The following EVC variants were observed in gnomAD, a reference collection of about 807,000 sequenced individuals.
EVC encodes EvC ciliary complex subunit 1.
In EVC, 116 loss-of-function variants were observed where a neutral mutation model predicts 118.9. The observed-to-expected ratio is 0.98, with a 90% CI of 0.84 to 1.14. The LOEUF (loss-of-function observed/expected upper bound fraction) is 1.14, where lower values mean the gene tolerates loss of function less well. EVC is among the 50% of genes most tolerant of loss of function. The pLI is 0.00. For missense variants in EVC, 1,401 were observed against 1,246.4 expected, an observed-to-expected ratio of 1.12 and a Z score of -1.87; for synonymous variants, 619 against 534.7, an observed-to-expected ratio of 1.16 and a Z score of -2.18.
At position 5,811,150 on chromosome 4, in the gene EVC, A is replaced by G; in HGVS notation, c.*113A>G. 2.4e-6 allele frequency: 2 copies of G among 821,150 alleles called. No individual in the cohort carries two copies. The highest frequency in any genetic ancestry group is 2.9e-5 in the South Asian group (2 of 68,468). 50.9% of individuals were successfully genotyped at this position (821,150 alleles called of 1,614,324 possible). ...GGACGGAGAGGACAGCGGCATCTCT[A>G]GGCTCTTCTGAGAGGGACAGAGAAA... On this transcript the variant is annotated 3_prime_UTR_variant, in exon 21 of 21. Coordinates refer to ENST00000264956, the MANE Select transcript of EVC (RefSeq NM_153717.3).
rs1490543674 is a variant in EVC, at chr4:5,742,244, A to G, written c.801+430A>G. On this transcript the variant is annotated intron_variant, in intron 6 of 20. Transcript: ENST00000264956. The surrounding 1 kb of genome is among the most constrained non-coding windows in gnomAD (Gnocchi z 5.2). The stretch of plus-strand genomic sequence containing the variant: ...TGGTTGAGGTTGGTATCCTGGCTTT[A>G]TCTTTTACAAGCTCTCAGAATCGTA... Among the ~76,000 whole-genome samples, 1 of 152,204 alleles carries G rather than the reference A, an allele frequency of 6.6e-6. No homozygotes were observed. The highest frequency in any genetic ancestry group is 1.9e-4 in the East Asian group (1 of 5,194).
At position 5,737,274 on chromosome 4, in the gene EVC, G is replaced by GAAAGAAGCTGTCTCCAGAGC. The variant is rs1577380671; in HGVS notation, c.702+3839_702+3840insAAAGAAGCTGTCTCCAGAGC. Among the ~76,000 whole-genome samples the GAAAGAAGCTGTCTCCAGAGC allele has an allele frequency of 6.6e-6, 1 of 152,212 alleles. No homozygotes were observed. Among genetic ancestry groups the GAAAGAAGCTGTCTCCAGAGC allele is most frequent in the East Asian group, 1.9e-4 (1 of 5,200 alleles). ...AAATTTGAAGCTAGCAGAGCATGAG[G>GAAAGAAGCTGTCTCCAGAGC]TTTAAAGAAAGAAGCTGTCTCCAGA... On this transcript the variant is annotated intron_variant, in intron 5 of 20. Coordinates refer to ENST00000264956, the MANE Select transcript of EVC (RefSeq NM_153717.3). This position sits in a 1 kb window ranked among gnomAD's most constrained non-coding sequence, Gnocchi z 5.0.
At chr4:5,722,007 T>C (rs957248945) in intron 2 of EVC, among the ~76,000 whole-genome samples, 2 of 152,176 alleles carry the variant, frequency 1.3e-5, no homozygotes, top group South Asian at 2.1e-4. Context: ...TGCTCACACA[T>C]AGGGTACCCT....
At chr4:5,828,770 A>C in the EVC span, 4 of 1,372,552 alleles carry the variant, frequency 2.9e-6, no homozygotes, top group Non-Finnish European at 3.9e-6. Context: ...AGCGTGTTCC[A>C]ATGTTTTTTT....
intron 8 of EVC, among the ~76,000 whole-genome samples, chr4:5,748,645 C>T (rs1729806910): frequency 8.6e-6 from 1 of 116,536 alleles, no homozygotes; most frequent in Non-Finnish European, 1.8e-5. Flanking sequence ...CCCTCCCACC[C>T]ATTTATCCAT....
rs1402079471 is a variant in EVC, at chr4:5,752,675, C to G, written c.1099-161C>G. 9.2e-6 allele frequency: 7 copies of G among 764,870 alleles called. No individual in the cohort carries two copies. The Admixed American group carries it at 1.2e-4, about 13-fold the overall frequency. The allele number at this position is 764,870 out of a possible 1,614,324, so 47.4% of individuals were successfully genotyped here. A position where few individuals can be genotyped will look rare whatever the true frequency, so the allele number is the denominator to read the frequency against. On this transcript the variant is annotated intron_variant, in intron 8 of 20. Coordinates refer to ENST00000264956, the MANE Select transcript of EVC (RefSeq NM_153717.3). Reference sequence around the variant, plus strand: ...CCCCACCTCGGGGGCAGACGCAGATCTCGCTCATGAAGGAGAGGGGGAGTT... The same window carrying G: ...CCCCACCTCGGGGGCAGACGCAGATGTCGCTCATGAAGGAGAGGGGGAGTT...
At chr4:5,730,805 C>G (rs1008243358) in intron 3 of EVC, among the ~76,000 whole-genome samples, 1 of 152,122 alleles carries the variant, frequency 6.6e-6, no homozygotes, top group Non-Finnish European at 1.5e-5. Flanking sequence ...CCAGGAGCGT[C>G]TAAGCCAGAG....
At chr4:5,734,764 C>T (rs945038348) in intron 5 of EVC, among the ~76,000 whole-genome samples, 1 of 152,178 alleles carries the variant, frequency 6.6e-6, no homozygotes, top group Non-Finnish European at 1.5e-5. Context: ...TGTTTGAAAC[C>T]GTAAATATGC....
the EVC span, chr4:5,824,540 T>C: frequency 1.0e-6 from 1 of 984,406 alleles, no homozygotes; most frequent in Non-Finnish European, 1.2e-6. Flanking sequence ...GCATATCGCC[T>C]TTCCTGACCA....
the EVC span, chr4:5,825,674 G>T: frequency 6.2e-7 from 1 of 1,611,920 alleles, no homozygotes; most frequent in Non-Finnish European, 8.5e-7. This position sits in a 1 kb window ranked among gnomAD's most constrained non-coding sequence, Gnocchi z 4.4. Flanking sequence ...ACAGAGGAAG[G>T]GAGAGTGTGA....
At position 5,755,121 on chromosome 4, in the gene EVC, G is replaced by T. The variant is rs988311450; in HGVS notation, c.1465-1143G>T. Among the ~76,000 whole-genome samples the T allele has an allele frequency of 6.6e-6, 1 of 152,142 alleles. No individual in the cohort carries two copies. Among genetic ancestry groups the T allele is most frequent in the African/African-American group, 2.4e-5 (1 of 41,432 alleles). ...GCCCATACTTGGAGCTTCTGCATTTGCCACAAAGGGGTAGGGTAGGTTTTT... is the reference window on the plus strand; with the variant it reads ...GCCCATACTTGGAGCTTCTGCATTTTCCACAAAGGGGTAGGGTAGGTTTTT... On this transcript the variant is annotated intron_variant, in intron 10 of 20. Transcript: ENST00000264956. The surrounding 1 kb of genome is among the most constrained non-coding windows in gnomAD (Gnocchi z 4.1).
intron 17 of EVC, among the ~76,000 whole-genome samples, chr4:5,806,183 G>A (rs148200656): frequency 0.1 from 15,629 of 151,618 alleles, 1,060 homozygotes; most frequent in South Asian, 0.21. Flanking sequence ...GGGTTCAAGC[G>A]ATTCTCTTGC....
Position 5,756,257 on chromosome 4 carries a change from C to T in EVC, c.1465-7C>T. On this transcript the variant is annotated splice_region_variant and splice_polypyrimidine_tract_variant and intron_variant, in intron 10 of 20. Transcript: ENST00000264956. This position sits in a 1 kb window ranked among gnomAD's most constrained non-coding sequence, Gnocchi z 4.2. ...TCTACCAGACTCAGCTCTTGTTTTC[C>T]TCACAGGCTTTTCATGAGGTCCTGG... is the stretch of plus-strand genomic sequence containing the variant. The T allele has an allele frequency of 4.4e-6, 7 of 1,608,340 alleles. No individual in the cohort carries two copies. Among genetic ancestry groups the T allele is most frequent in the Non-Finnish European group, 5.9e-6 (7 of 1,177,042 alleles).
chr4:5,767,275 A>C (rs1014855175), intron 11 of EVC, among the ~76,000 whole-genome samples: 2 of 150,882 alleles, frequency 1.3e-5, no homozygotes, highest in African/African-American at 4.9e-5. Flanking sequence ...CTCCAGCTGC[A>C]TGCTGGGAGA....
At position 5,711,676 on chromosome 4, in the gene EVC, C is replaced by A. The variant is rs1723050366; in HGVS notation, c.174+122C>A. On this transcript the variant is annotated intron_variant, in intron 1 of 20. Coordinates refer to ENST00000264956, the MANE Select transcript of EVC (RefSeq NM_153717.3). ...GCCTGGTTGGGAACTTCGCACGCAA[C>A]CGCTTAGGCGTCGGGTTCCCCTTCT... is the stretch of plus-strand genomic sequence containing the variant. 10 of 835,140 alleles carry A rather than the reference C, an allele frequency of 1.2e-5. No individual in the cohort carries two copies. In the South Asian group the frequency reaches 4.5e-4, roughly 38 times the overall value. The allele number at this position is 835,140 out of a possible 1,614,324, so 51.7% of individuals were successfully genotyped here.
Position 5,731,805 on chromosome 4 carries a change from C to T in EVC, c.617+148C>T, listed in dbSNP as rs1038945530. On this transcript the variant is annotated intron_variant, in intron 4 of 20. Transcript: ENST00000264956. The surrounding 1 kb of genome is among the most constrained non-coding windows in gnomAD (Gnocchi z 5.6). ...CAGCGACCCAGCGTCACCATCGGAG[C>T]CCCAGAGGCCTTTGTCACTTCCTGT... 4 of 813,870 alleles carry T rather than the reference C, an allele frequency of 4.9e-6. No individual in the cohort carries two copies. In the African/African-American group the frequency reaches 6.8e-5, roughly 14 times the overall value. The allele number at this position is 813,870 out of a possible 1,614,324, so 50.4% of individuals were successfully genotyped here. A position where few individuals can be genotyped will look rare whatever the true frequency, so the allele number is the denominator to read the frequency against.
chr4:5,741,148 G>A (rs1044760012), intron 5 of EVC, among the ~76,000 whole-genome samples: 1 of 152,214 alleles, frequency 6.6e-6, no homozygotes, highest in Admixed American at 6.5e-5. Flanking sequence ...CAGCAGCATT[G>A]TTCATAATAG....
intron 11 of EVC, among the ~76,000 whole-genome samples, chr4:5,762,678 T>G (rs200872187): frequency 0.4 from 58,386 of 144,962 alleles, 11,863 homozygotes; most frequent in South Asian, 0.49. Flanking sequence ...TTTCATGTGT[T>G]TTTTGGCTGC....
intron 11 of EVC, among the ~76,000 whole-genome samples, chr4:5,781,062 G>T (rs1461864041): frequency 6.6e-6 from 1 of 152,144 alleles, no homozygotes; most frequent in African/African-American, 2.4e-5. Flanking sequence ...TTCCTGTCAC[G>T]TACCAAGAGT....
Sources: allele counts gnomAD v4.1 joint callset (sites outside exome capture counted in the v4.1 genomes callset), GRCh38; gene constraint gnomAD v4.1.1; non-coding constraint Gnocchi (gnomAD v3.1); transcripts MANE v1.5; gene names NCBI Gene and HGNC (gene_info 2026-07-23, HGNC 2026-07-21).